Variants in NOL6 observed in about 807,000 individuals in gnomAD.
NOL6 encodes the protein nucleolar protein 6.
NOL6 carries 33 observed loss-of-function variants against 131.7 expected under a neutral mutation model. The ratio of observed to expected loss-of-function variants is 0.25; its 90% CI spans 0.19 to 0.33. The LOEUF is 0.33. NOL6 is among the 10% of genes least tolerant of loss of function. The probability of loss-of-function intolerance (pLI) is 1.00; values close to 1 mark genes in which losing one functional copy is unlikely to be tolerated. For missense variants in NOL6, 1,297 were observed against 1,494.5 expected (o/e 0.87, Z 2.18); for synonymous variants, 580 against 605.7 (o/e 0.96, Z 0.62).
Position 33,468,512 on chromosome 9 carries a change from G to A in NOL6, c.1202C>T (p.Ser401Phe), listed in dbSNP as rs141328816. The A allele has an allele frequency of 2.0e-5, 32 of 1,613,962 alleles. No individual in the cohort carries two copies. Among genetic ancestry groups the A allele is most frequent in the African/African-American group, 2.7e-5 (2 of 74,882 alleles). ...CCTGGCCCTTCCCCAACTCACCAAA[G>A]AGGGATCTGAGCTGAGACATAAACT... ...GISLCLSSDP[S>F]LPALADFHQA... The change falls in exon 9 of 26, where the codon TCT (serine) becomes TTT (phenylalanine). Residue 401 changes from serine (S) to phenylalanine (F), a missense_variant. Transcript: ENST00000297990.
intron 1 of NOL6, chr9:33,472,696 G>A (rs1827446762): frequency 4.2e-6 from 2 of 477,560 alleles, no homozygotes; most frequent in African/African-American, 3.9e-5. Flanking sequence ...GCCCAGGCTG[G>A]ACACGGTGGC....
In NOL6 at chr9:33,466,331, G is replaced by T. The variant is rs377326096; in HGVS notation, c.2186C>A (p.Pro729Gln). 1.9e-6 allele frequency: 3 copies of T among 1,614,184 alleles called. No individual in the cohort carries two copies. The highest frequency in any genetic ancestry group is 1.7e-6 in the Non-Finnish European group (2 of 1,180,026). ...ACCGGTCATGGGCTCCACGTAGGCC[G>T]GACAGGGCTTATCGAGCCGGGGCAG... The part of the protein sequence containing the change: ...SLLPRLDKPC[P>Q]AYVEPMTVVC... Residue 729 changes from proline (P) to glutamine (Q), a missense_variant, in exon 17 of 26, where the codon CCG becomes CAG. By Grantham distance (76) the Pro-to-Gln change is moderately conservative. Transcript: ENST00000297990.
At chr9:33,473,184 G>A (rs1827461850) in intron 1 of NOL6, among the ~76,000 whole-genome samples, 1 of 152,122 alleles carries the variant, frequency 6.6e-6, no homozygotes, top group Non-Finnish European at 1.5e-5. Context: ...GATGGAAGGA[G>A]CTAGAACCGA....
rs763391581 is a variant in NOL6, at chr9:33,470,128, C to T, written c.442G>A (p.Val148Met). The T allele has an allele frequency of 6.2e-6, 10 of 1,610,634 alleles. No individual in the cohort carries two copies. In the Admixed American group the frequency reaches 8.4e-5, roughly 13 times the overall value. ...RVPLHQVPYA[V>M]KGCFRFLPPA... is the part of the protein sequence containing the mutation. ...GGCAGGAAGCGGAAACAGCCCTTCA[C>T]GGCATAGGGCACTTGGTGGAGGGGC... is the stretch of plus-strand genomic sequence containing the variant. The change falls in exon 4 of 26, where the codon GTG (valine) becomes ATG (methionine). Residue 148 changes from valine to methionine, a missense_variant. Coordinates refer to ENST00000297990, the MANE Select transcript of NOL6 (RefSeq NM_022917.5).
chr9:33,465,999 T>C, intron 18 of NOL6, 72 bp downstream of exon 18: 1 of 1,560,224 alleles, frequency 6.4e-7, no homozygotes, highest in Non-Finnish European at 8.7e-7. Flanking sequence ...CCCACAGGGG[T>C]GTCTTCTTCC....
rs1230165801 is a variant in NOL6 at position 33,463,025 on chromosome 9, C to T, written c.3291+8G>A. Reference sequence around the variant, plus strand: ...ACTCAGGAACACAGCTGTCACCAGCCAGCACACCTTGAAGGGCTGCGGCTG... The same window carrying T: ...ACTCAGGAACACAGCTGTCACCAGCTAGCACACCTTGAAGGGCTGCGGCTG... On this transcript the variant is annotated splice_region_variant and intron_variant, in intron 25 of 25. Transcript: ENST00000297990. The T allele has an allele frequency of 1.9e-6, 3 of 1,611,674 alleles. No individual in the cohort carries two copies. The highest frequency in any genetic ancestry group is 2.5e-6 in the Non-Finnish European group (3 of 1,178,502).
intron 21 of NOL6, 106 bp from the exon 22 acceptor site, chr9:33,464,267 T>G: frequency 1.5e-6 from 2 of 1,301,940 alleles, no homozygotes; most frequent in Non-Finnish European, 2.1e-6. Flanking sequence ...ATCACAGGTA[T>G]TTTTCAACAC....
At position 33,461,865 on chromosome 9, in the gene NOL6, G is replaced by A. The variant is rs1827102391; in HGVS notation, c.*799C>T. 2.8e-6 allele frequency: 1 copy of A among 354,046 alleles called. No individual in the cohort carries two copies. The highest frequency in any genetic ancestry group is 5.3e-6 in the Non-Finnish European group (1 of 190,404). The allele number at this position is 354,046 out of a possible 1,614,324, so 21.9% of individuals were successfully genotyped here. The stretch of plus-strand genomic sequence containing the variant: ...TCCTTGGGCCCTGGGAGCTCCTGGG[G>A]AGTAAGACTTGAGTCTCCCCCATCT... On this transcript the variant is annotated 3_prime_UTR_variant, in exon 26 of 26. Transcript: ENST00000297990.
Position 33,467,999 on chromosome 9 carries a change from C to T in NOL6, c.1424+31G>A, listed in dbSNP as rs574990903. The T allele has an allele frequency of 2.2e-5, 35 of 1,613,972 alleles. 1 individual carries two copies. Among genetic ancestry groups the T allele is most frequent in the South Asian group, 1.4e-4 (13 of 91,056 alleles). On this transcript the variant is annotated intron_variant, in intron 11 of 25. Coordinates refer to ENST00000297990, the MANE Select transcript of NOL6 (RefSeq NM_022917.5). This position sits in a 1 kb window ranked among gnomAD's most constrained non-coding sequence, Gnocchi z 4.4. ...ACTGTAGCCCCGAAGAGACAGGACC[C>T]GCCAACATACCCTGTCACCCCTAAA...
In NOL6 at chr9:33,472,165, G is replaced by C. The variant is rs1273999097; in HGVS notation, c.261+41C>G. On this transcript the variant is annotated intron_variant, in intron 2 of 25. Coordinates refer to ENST00000297990, the MANE Select transcript of NOL6 (RefSeq NM_022917.5). ...ACAGTCCATCAGCCTCAGGGTCCCAGGTACACACCTCGAACAAAAGCTGCA... is the reference window on the plus strand; with the variant it reads ...ACAGTCCATCAGCCTCAGGGTCCCACGTACACACCTCGAACAAAAGCTGCA... 3.1e-6 allele frequency: 5 copies of C among 1,613,226 alleles called. No individual in the cohort carries two copies. In the Middle Eastern group the frequency reaches 4.9e-4, roughly 160 times the overall value.
Position 33,463,412 on chromosome 9 carries a change from G to A in NOL6, c.3024C>T (p.Tyr1008=), listed in dbSNP as rs1349922539. 5.6e-6 allele frequency: 9 copies of A among 1,613,544 alleles called. No individual in the cohort carries two copies. Among genetic ancestry groups the A allele is most frequent in the African/African-American group, 4.0e-5 (3 of 74,878 alleles). ...GAGGAGACAGGCGAATCAGCACGTC[G>A]TAAATGTCCAAGGGCGGCCGGAACA... ...RTVFRPPLDI[Y]DVLIRLSPRH... Residue 1008 remains tyrosine (Y), a synonymous_variant, in exon 24 of 26, where the codon TAC becomes TAT. Coordinates refer to ENST00000297990, the MANE Select transcript of NOL6 (RefSeq NM_022917.5).
Position 33,464,029 on chromosome 9 carries a change from G to C in NOL6, c.2904+8C>G, listed in dbSNP as rs200510918. The stretch of plus-strand genomic sequence containing the variant: ...ACCACACATTAGGGGGCAGGTATGG[G>C]GTTGAACCTGGGCTGAGGGTCCATC... On this transcript the variant is annotated splice_region_variant and intron_variant, in intron 22 of 25. Coordinates refer to ENST00000297990, the MANE Select transcript of NOL6 (RefSeq NM_022917.5). The C allele has an allele frequency of 1.2e-6, 2 of 1,613,180 alleles. No homozygotes were observed. The highest frequency in any genetic ancestry group is 1.7e-6 in the Non-Finnish European group (2 of 1,179,346).
Position 33,470,102 on chromosome 9 carries a change from GGGCA to G in NOL6, c.464_467del (p.Leu155ProfsTer27). 1.2e-6 allele frequency: 2 copies of G among 1,613,180 alleles called. No individual in the cohort carries two copies. Among genetic ancestry groups the G allele is most frequent in the Non-Finnish European group, 1.7e-6 (2 of 1,179,380 alleles). ...TGCCCACAACAGTAACCTGGGCTGG[GGGCA>G]GGAAGCGGAAACAGCCCTTCACGGC... On this transcript the variant is annotated frameshift_variant, in exon 4 of 26. Coordinates refer to ENST00000297990, the MANE Select transcript of NOL6 (RefSeq NM_022917.5). LOFTEE classifies it high-confidence loss of function.
intron 15 of NOL6, 40 bp from the exon 16 acceptor site, chr9:33,466,749 A>G: frequency 6.2e-7 from 1 of 1,607,924 alleles, no homozygotes; most frequent in Non-Finnish European, 8.5e-7. Context: ...GACCCTACAG[A>G]AGGCCAGCTT....
At chr9:33,466,032 C>T (rs1313198567) in intron 18 of NOL6, 39 bp downstream of exon 18, 1 of 1,561,592 alleles carries the variant, frequency 6.4e-7, no homozygotes, top group Non-Finnish European at 8.7e-7. Context: ...CCCTGGTGCC[C>T]CCCTTCCCTG....
chr9:33,465,079 G>A, intron 20 of NOL6, 103 bp from the exon 21 acceptor site: 2 of 1,442,176 alleles, frequency 1.4e-6, no homozygotes, highest in Non-Finnish European at 1.9e-6. Context: ...TGGCAGGGCA[G>A]GGCATCTTAG....
Position 33,466,208 on chromosome 9 carries a change from C to T in NOL6, c.2227G>A (p.Gly743Ser). Residue 743 changes from glycine to serine, a missense_variant, in exon 18 of 26, where the codon GGC (glycine) becomes AGC (serine). Physicochemically the swap from Gly to Ser is moderately conservative, Grantham distance 56. Coordinates refer to ENST00000297990, the MANE Select transcript of NOL6 (RefSeq NM_022917.5). ...GCGTCCTGTGGCCACTGGCCACTGC[C>T]CTCCAGGTGACAAACCACTGAGGAA... is the stretch of plus-strand genomic sequence containing the variant. The part of the protein sequence containing the change: ...EPMTVVCHLE[G>S]SGQWPQDAEA... The T allele has an allele frequency of 6.2e-7, 1 of 1,611,362 alleles. No individual in the cohort carries two copies. The highest frequency in any genetic ancestry group is 1.3e-5 in the African/African-American group (1 of 75,016).
chr9:33,466,888 T>C (rs1276915195), intron 15 of NOL6, 24 bp downstream of exon 15: 5 of 1,610,822 alleles, frequency 3.1e-6, no homozygotes, highest in Non-Finnish European at 4.2e-6. Flanking sequence ...CTACAATCAC[T>C]AGCCTTGACC....
At position 33,473,782 on chromosome 9, in the gene NOL6, A is replaced by C. The variant is rs1827479024; in HGVS notation, c.54+7T>G. On this transcript the variant is annotated splice_region_variant and intron_variant, in intron 1 of 25. Coordinates refer to ENST00000297990, the MANE Select transcript of NOL6 (RefSeq NM_022917.5). ...AGCCTCTGTTCCTCCCCGATGGCTC[A>C]ACCCACCTCTGGCTCTCCAGTCGCT... The C allele has an allele frequency of 6.2e-7, 1 of 1,611,898 alleles. No individual in the cohort carries two copies. The highest frequency in any genetic ancestry group is 8.5e-7 in the Non-Finnish European group (1 of 1,180,014).
Sources: gnomAD v4.1 joint callset for allele counts (sites outside exome capture counted in the v4.1 genomes callset) on GRCh38, gnomAD v4.1.1 for gene constraint, Gnocchi (gnomAD v3.1) non-coding constraint, MANE v1.5 for transcripts, NCBI Gene and HGNC (gene_info 2026-07-23, HGNC 2026-07-21) for gene names.